The following MCF2L variants were observed in gnomAD, a reference collection of about 807,000 sequenced individuals.
MCF2L encodes MCF.2 cell line derived transforming sequence like.
In MCF2L, 97 loss-of-function variants were observed where a neutral mutation model predicts 153.4. The observed-to-expected ratio is 0.63, with a 90% CI of 0.54 to 0.75. MCF2L has a LOEUF of 0.75. Ranked by LOEUF, MCF2L falls within the 30% of genes least tolerant of loss-of-function variation. The pLI is 0.00. For missense variants in MCF2L, 1,347 were observed against 1,495.2 expected (o/e 0.90, Z 1.64); for synonymous variants, 659 against 632.2 (o/e 1.04, Z -0.64).
intron 3 of MCF2L, among the ~76,000 whole-genome samples, chr13:113,032,069 G>A (rs2085761306): frequency 6.6e-6 from 1 of 152,166 alleles, no homozygotes; most frequent in Non-Finnish European, 1.5e-5. Context: ...CATGTGGGAC[G>A]CAACAGAAAC....
At position 113,005,297 on chromosome 13, in the gene MCF2L, T is replaced by C. The variant is rs116867952; in HGVS notation, c.80-9466T>C. Among the ~76,000 whole-genome samples the C allele has an allele frequency of 4.6e-3, 698 of 152,240 alleles. 23 individuals carry two copies. In the East Asian group the frequency reaches 0.094, roughly 20 times the overall value. ...AGGCAAAGCCACGGCCCCACTCGTG[T>C]GGGGTGTCAGAGACGCCGACAAGCA... On this transcript the variant is annotated intron_variant, in intron 1 of 29. Transcript: ENST00000535094.
intron 1 of MCF2L, among the ~76,000 whole-genome samples, chr13:112,982,738 C>T (rs2082483272): frequency 6.6e-6 from 1 of 152,278 alleles, no homozygotes; most frequent in Middle Eastern, 3.4e-3. Context: ...TGGCTGAGCC[C>T]GTGCTGCATA....
chr13:113,015,782 G>A (rs2084472456), intron 2 of MCF2L, among the ~76,000 whole-genome samples: 1 of 152,212 alleles, frequency 6.6e-6, no homozygotes, highest in Non-Finnish European at 1.5e-5. Flanking sequence ...TGCTTCCCAT[G>A]GCCAAGTGGC....
In MCF2L at chr13:113,085,196, C is replaced by T. The variant is rs574781440; in HGVS notation, c.2247+18C>T. On this transcript the variant is annotated intron_variant, in intron 20 of 29. Coordinates refer to ENST00000535094, the MANE Select transcript of MCF2L (RefSeq NM_001112732.3). The stretch of plus-strand genomic sequence containing the variant: ...TGCTCAAGGTGGGCTCCGCGGTGAC[C>T]GTGGCCCGGCCTCCCCAGCACCTGC... 3.7e-6 allele frequency: 6 copies of T among 1,609,380 alleles called. No individual in the cohort carries two copies. The highest frequency in any genetic ancestry group is 2.2e-5 in the East Asian group (1 of 44,824).
rs1344076231 is a variant in MCF2L at position 112,951,187 on chromosome 13, AAGAT to A, written c.169+48819_169+48822del. ...CACACCCTCAGGAGAGCTAAGATAA[AAGAT>A]AGTGCCAACTTCGAATGCTGGCAGG... is the stretch of plus-strand genomic sequence containing the variant. On this transcript the variant is annotated intron_variant, in intron 2 of 29. Coordinates refer to the MCF2L transcript ENST00000375608. The surrounding 1 kb of genome is among the most constrained non-coding windows in gnomAD (Gnocchi z 4.8). Among the ~76,000 whole-genome samples the A allele has an allele frequency of 6.6e-6, 1 of 152,186 alleles. No homozygotes were observed. The highest frequency in any genetic ancestry group is 1.5e-5 in the Non-Finnish European group (1 of 68,034).
At chr13:112,896,682 C>T (rs2081070919) in intron 1 of MCF2L, among the ~76,000 whole-genome samples, 1 of 152,200 alleles carries the variant, frequency 6.6e-6, no homozygotes, top group Non-Finnish European at 1.5e-5. Flanking sequence ...TTGTAAGGTT[C>T]TGGGTGCAGC....
intron 3 of MCF2L, among the ~76,000 whole-genome samples, chr13:113,034,531 A>G (rs1042048243): frequency 1.3e-5 from 2 of 150,790 alleles, no homozygotes; most frequent in African/African-American, 4.9e-5. Flanking sequence ...GAGTGCCCTC[A>G]CCCTCACCCT....
intron 4 of MCF2L, among the ~76,000 whole-genome samples, chr13:113,056,448 G>T (rs111524400): frequency 7.1e-6 from 1 of 141,844 alleles, no homozygotes; most frequent in Non-Finnish European, 1.5e-5. Context: ...GTGTTTCGGC[G>T]CTGAGTGGGT....
intron 1 of MCF2L, among the ~76,000 whole-genome samples, chr13:113,006,216 G>A (rs1024504908): frequency 2.6e-5 from 4 of 152,224 alleles, no homozygotes; most frequent in Admixed American, 2.6e-4. Context: ...TTGAGCCCGT[G>A]GCAGTGAAGG....
At position 113,095,090 on chromosome 13, in the gene MCF2L, C is replaced by T. The variant is rs759274703; in HGVS notation, c.3075+455C>T. The T allele has an allele frequency of 2.2e-6, 3 of 1,359,738 alleles. No homozygotes were observed. The South Asian group carries it at 3.5e-5, about 16-fold the overall frequency. 84.2% of individuals were successfully genotyped at this position (1,359,738 alleles called of 1,614,324 possible). A position where few individuals can be genotyped will look rare whatever the true frequency, so the allele number is the denominator to read the frequency against. On this transcript the variant is annotated intron_variant, in intron 27 of 29. Coordinates refer to ENST00000535094, the MANE Select transcript of MCF2L (RefSeq NM_001112732.3). ...CACTGAGCCTTCCTAACTATACATA[C>T]AATTCTCATTTTGTAAGAAAATGGA... is the stretch of plus-strand genomic sequence containing the variant.
At chr13:112,989,841 G>T (rs1444827725) in intron 1 of MCF2L, among the ~76,000 whole-genome samples, 2 of 152,356 alleles carry the variant, frequency 1.3e-5, no homozygotes, top group East Asian at 3.8e-4. Flanking sequence ...CTGGCACCGG[G>T]GACCAGTTTC....
chr13:112,983,889 T>C lies in MCF2L; in HGVS notation c.79+14431T>C, dbSNP rs533436503. ...GGTTGAGCACTGAAAAGAGCCCCTT[T>C]GGGTTAGGAGGCAGGTGGACTTCCA... is the stretch of plus-strand genomic sequence containing the variant. On this transcript the variant is annotated intron_variant, in intron 1 of 29. Coordinates refer to ENST00000535094, the MANE Select transcript of MCF2L (RefSeq NM_001112732.3). This position sits in a 1 kb window ranked among gnomAD's most constrained non-coding sequence, Gnocchi z 4.0. 2.6e-5 allele frequency among the ~76,000 whole-genome samples: 4 copies of C among 152,296 alleles called. No homozygotes were observed. The South Asian group carries it at 8.3e-4, about 32-fold the overall frequency.
intron 18 of MCF2L, chr13:113,084,441 T>C: frequency 3.0e-6 from 1 of 333,736 alleles, no homozygotes; most frequent in South Asian, 4.9e-5. Flanking sequence ...TCTGTGCCCC[T>C]AGAACCATCT....
At chr13:112,959,186 C>G (rs1370435215) in intron 2 of MCF2L, among the ~76,000 whole-genome samples, 1 of 152,088 alleles carries the variant, frequency 6.6e-6, no homozygotes, top group African/African-American at 2.4e-5. Context: ...CTTTTTTCCT[C>G]TAGTTTTTCT....
intron 3 of MCF2L, among the ~76,000 whole-genome samples, chr13:113,029,724 G>A (rs912475392): frequency 2.0e-5 from 3 of 152,234 alleles, no homozygotes; most frequent in African/African-American, 7.2e-5. Context: ...GGGAGACCAA[G>A]AGAGGGAGGG....
Position 112,986,356 on chromosome 13 carries a change from T to G in MCF2L, c.79+16898T>G, listed in dbSNP as rs189887705. ...TCACCCGTTCTGCAGATGAGGAGAG[T>G]CAGGAAGTCACGGAGAGAAATGCGC... On this transcript the variant is annotated intron_variant, in intron 1 of 29. Transcript: ENST00000535094. 1.5e-3 allele frequency among the ~76,000 whole-genome samples: 235 copies of G among 152,034 alleles called. 1 individual carries two copies. Among genetic ancestry groups the G allele is most frequent in the African/African-American group, 5.5e-3 (228 of 41,468 alleles).
Position 112,904,933 on chromosome 13 carries a change from C to A in MCF2L, c.169+2562C>A, listed in dbSNP as rs1430452672. Among the ~76,000 whole-genome samples the A allele has an allele frequency of 6.6e-6, 1 of 152,280 alleles. No individual in the cohort carries two copies. The highest frequency in any genetic ancestry group is 1.9e-4 in the East Asian group (1 of 5,182). ...AGTTTTTTTTGTCATAAAATAGACACCCATGAAATGTACCATTTTAACTAC... is the reference window on the plus strand; with the variant it reads ...AGTTTTTTTTGTCATAAAATAGACAACCATGAAATGTACCATTTTAACTAC... On this transcript the variant is annotated intron_variant, in intron 2 of 29. Transcript: ENST00000375608. The surrounding 1 kb of genome is among the most constrained non-coding windows in gnomAD (Gnocchi z 4.2).
intron 2 of MCF2L, among the ~76,000 whole-genome samples, chr13:113,019,892 T>C (rs2084769406): frequency 6.6e-6 from 1 of 152,236 alleles, no homozygotes; most frequent in African/African-American, 2.4e-5. Flanking sequence ...TATGGGCACC[T>C]TCATCTTGGA....
rs145609781 is a variant in MCF2L at position 112,907,696 on chromosome 13, C to A, written c.169+5325C>A. On this transcript the variant is annotated intron_variant, in intron 2 of 29. Coordinates refer to the MCF2L transcript ENST00000375608. The surrounding 1 kb of genome is among the most constrained non-coding windows in gnomAD (Gnocchi z 5.1). Reference sequence around the variant, plus strand: ...AATTTGGTAGACTCTGGACTTGAAACTTCCTGGTTCTTCATGCAGTTCTCA... The same window carrying A: ...AATTTGGTAGACTCTGGACTTGAAAATTCCTGGTTCTTCATGCAGTTCTCA... 6.6e-6 allele frequency among the ~76,000 whole-genome samples: 1 copy of A among 152,330 alleles called. No homozygotes were observed. The highest frequency in any genetic ancestry group is 1.9e-4 in the East Asian group (1 of 5,184).
Sources: allele counts gnomAD v4.1 joint callset (sites outside exome capture counted in the v4.1 genomes callset), GRCh38; gene constraint gnomAD v4.1.1; non-coding constraint Gnocchi (gnomAD v3.1); transcripts MANE v1.5; gene names NCBI Gene and HGNC (gene_info 2026-07-23, HGNC 2026-07-21).